The following CACNB2 variants were observed in gnomAD, a reference collection of about 807,000 sequenced individuals.
The protein encoded by CACNB2 is calcium voltage-gated channel auxiliary subunit beta 2, also known as voltage-dependent L-type calcium channel subunit beta-2.
Under a neutral mutation model 73.3 loss-of-function variants are expected in CACNB2, and 42 were observed. The observed-to-expected ratio is 0.57, with a 90% CI of 0.45 to 0.74. CACNB2 has a LOEUF of 0.74. Among genes scored for constraint, CACNB2 ranks in the 30% least tolerant of loss-of-function variants. The probability of loss-of-function intolerance (pLI) is 0.00; values close to 1 mark genes in which losing one functional copy is unlikely to be tolerated. For missense variants in CACNB2, 940 were observed against 853.0 expected, an observed-to-expected ratio of 1.10 and a Z score of -1.27; for synonymous variants, 348 against 310.3, an observed-to-expected ratio of 1.12 and a Z score of -1.28.
chr10:18,175,970 C>T (rs967088742), intron 2 of CACNB2, among the ~76,000 whole-genome samples: 5 of 152,262 alleles, frequency 3.3e-5, no homozygotes, highest in East Asian at 1.9e-4. Flanking sequence ...GCCCATTATA[C>T]GTATTTATGG....
In CACNB2 at chr10:18,189,131, A is replaced by G. The variant is rs1291273932; in HGVS notation, c.213+38156A>G. ...TGTGTACTACTGTGTCCAACTACAG[A>G]TTGTTTGTTTTTTTAAAAAAAAATT... On this transcript the variant is annotated intron_variant, in intron 2 of 13. Coordinates refer to ENST00000324631, the MANE Select transcript of CACNB2 (RefSeq NM_201596.3). Among the ~76,000 whole-genome samples the G allele has an allele frequency of 2.0e-5, 3 of 152,070 alleles. No homozygotes were observed. The East Asian group carries it at 5.8e-4, about 29-fold the overall frequency.
At chr10:18,437,363 C>T (rs1431351942) in intron 3 of CACNB2, among the ~76,000 whole-genome samples, 2 of 152,044 alleles carry the variant, frequency 1.3e-5, no homozygotes, top group East Asian at 3.9e-4. Context: ...GGACCCCCTA[C>T]AAAGCCAAAA....
chr10:18,186,717 T>G (rs1208248477), intron 2 of CACNB2, among the ~76,000 whole-genome samples: 1 of 152,162 alleles, frequency 6.6e-6, no homozygotes, highest in East Asian at 1.9e-4. Context: ...GAGATGGTGC[T>G]AAGCCATTCA....
intron 2 of CACNB2, among the ~76,000 whole-genome samples, chr10:18,203,601 T>C (rs943926590): frequency 2.6e-5 from 4 of 152,200 alleles, no homozygotes; most frequent in Admixed American, 2.0e-4. Context: ...CGTACATACA[T>C]ATGTATGTGT....
At chr10:18,201,617 A>G (rs1034355380) in intron 2 of CACNB2, among the ~76,000 whole-genome samples, 3 of 152,320 alleles carry the variant, frequency 2.0e-5, no homozygotes, top group African/African-American at 7.2e-5. Flanking sequence ...ACATATTTAT[A>G]AGGTACATAG....
chr10:18,465,768 G>A (rs2047847213), intron 3 of CACNB2, among the ~76,000 whole-genome samples: 1 of 147,934 alleles, frequency 6.8e-6, no homozygotes, highest in Non-Finnish European at 1.5e-5. Context: ...TGCAACCTCT[G>A]CCTCCCAGGT....
intron 3 of CACNB2, among the ~76,000 whole-genome samples, chr10:18,481,841 C>T (rs1481913023): frequency 6.6e-6 from 1 of 152,142 alleles, no homozygotes; most frequent in Non-Finnish European, 1.5e-5. Context: ...ATATGGACAG[C>T]CATTACAACT....
rs1422520668 is a variant in CACNB2 at position 18,347,991 on chromosome 10, G to A, written c.214-53933G>A. ...TAATTAATGCTGATTTGATATCTGG[G>A]CATTCTTTTAAAAAACGTGTATATC... On this transcript the variant is annotated intron_variant, in intron 2 of 13. Transcript: ENST00000324631. Among the ~76,000 whole-genome samples, 42 of 152,050 alleles carry A rather than the reference G, an allele frequency of 2.8e-4. 1 individual carries two copies. Among genetic ancestry groups the A allele is most frequent in the Admixed American group, 2.8e-3 (42 of 15,266 alleles).
At chr10:18,237,329 A>T (rs1240483841) in intron 2 of CACNB2, among the ~76,000 whole-genome samples, 1 of 152,250 alleles carries the variant, frequency 6.6e-6, no homozygotes, top group Non-Finnish European at 1.5e-5. Context: ...CCTCAAATCC[A>T]GTATGACTGA....
intron 3 of CACNB2, among the ~76,000 whole-genome samples, chr10:18,495,577 GTGTGT>G (rs1669389756): frequency 7.0e-6 from 1 of 143,682 alleles, no homozygotes; most frequent in African/African-American, 2.9e-5. Flanking sequence ...GTGTGTGTGT[GTGTGT>G]GTGTGTGTGT....
intron 2 of CACNB2, among the ~76,000 whole-genome samples, chr10:18,342,459 T>C (rs888086074): frequency 2.0e-5 from 3 of 152,228 alleles, no homozygotes; most frequent in African/African-American, 7.2e-5. Context: ...AAGATCTGTG[T>C]CTACAGAAAT....
At chr10:18,295,852 G>A (rs543611011) in intron 2 of CACNB2, among the ~76,000 whole-genome samples, 107 of 152,274 alleles carry the variant, frequency 7.0e-4, no homozygotes, top group Non-Finnish European at 1.2e-3. Context: ...ATACTGCATA[G>A]ACGATGAGAC....
At chr10:18,307,577 T>G (rs188852672) in intron 2 of CACNB2, among the ~76,000 whole-genome samples, 1 of 152,364 alleles carries the variant, frequency 6.6e-6, no homozygotes, top group African/African-American at 2.4e-5. Flanking sequence ...ATATTTTATC[T>G]ATTTTGTTCA....
At chr10:18,462,095 A>G (rs557458028) in intron 3 of CACNB2, among the ~76,000 whole-genome samples, 28 of 152,312 alleles carry the variant, frequency 1.8e-4, no homozygotes, top group African/African-American at 6.0e-4. Flanking sequence ...AACTTCTTGC[A>G]TGAGATTCCC....
chr10:18,324,781 A>G (rs2040520290), intron 2 of CACNB2, among the ~76,000 whole-genome samples: 4 of 152,224 alleles, frequency 2.6e-5, no homozygotes. Context: ...GCTTGAACCC[A>G]GGAGGCAGAG....
rs1207592643 is a variant in CACNB2 at position 18,264,534 on chromosome 10, C to T, written c.213+113559C>T. On this transcript the variant is annotated intron_variant, in intron 2 of 13. Transcript: ENST00000324631. ...CAATTCCAGCTGTCTCCCACCTCCCCCAGGGTACCCACTAAACAGACTTCT... is the reference window on the plus strand; with the variant it reads ...CAATTCCAGCTGTCTCCCACCTCCCTCAGGGTACCCACTAAACAGACTTCT... 2.0e-5 allele frequency among the ~76,000 whole-genome samples: 3 copies of T among 152,158 alleles called. No individual in the cohort carries two copies. In the South Asian group the frequency reaches 6.2e-4, roughly 32 times the overall value.
intron 3 of CACNB2, among the ~76,000 whole-genome samples, chr10:18,481,660 C>T (rs561622019): frequency 6.6e-6 from 1 of 152,142 alleles, no homozygotes; most frequent in Admixed American, 6.6e-5. Flanking sequence ...TCTATTACAG[C>T]CCCTCAGATG....
intron 2 of CACNB2, among the ~76,000 whole-genome samples, chr10:18,346,387 C>T (rs1345080240): frequency 1.3e-5 from 2 of 152,074 alleles, no homozygotes; most frequent in African/African-American, 2.4e-5. Flanking sequence ...TTCCACTCGC[C>T]TCGGCCTCCC....
At chr10:18,343,774 C>T (rs2041330230) in intron 2 of CACNB2, among the ~76,000 whole-genome samples, 1 of 152,122 alleles carries the variant, frequency 6.6e-6, no homozygotes. Flanking sequence ...AGTGTGACTT[C>T]TAATTGGAGA....
Sources: allele counts gnomAD v4.1 joint callset (sites outside exome capture counted in the v4.1 genomes callset), GRCh38; gene constraint gnomAD v4.1.1; transcripts MANE v1.5; gene names NCBI Gene and HGNC (gene_info 2026-07-23, HGNC 2026-07-21).